The following SNX31 variants were observed in gnomAD, a reference collection of about 807,000 sequenced individuals.
The protein encoded by SNX31 is sorting nexin 31, also known as sorting nexin-31.
SNX31 carries 58 observed loss-of-function variants against 65.4 expected under a neutral mutation model. The observed-to-expected ratio is 0.89, with a 90% CI of 0.72 to 1.10. The LOEUF is 1.10. Among genes scored for constraint, SNX31 ranks in the 50% least tolerant of loss-of-function variants. SNX31 has a pLI of 0.00. For missense variants in SNX31, 523 were observed against 529.7 expected (o/e 0.99, Z 0.12); for synonymous variants, 181 against 190.1 (o/e 0.95, Z 0.39).
chr8:100,657,632 T>C, intron 1 of SNX31: 1 of 455,518 alleles, frequency 2.2e-6, no homozygotes, highest in Non-Finnish European at 4.4e-6. Context: ...GAGGTCCAGC[T>C]GGAGGGCTTG....
intron 1 of SNX31, among the ~76,000 whole-genome samples, chr8:100,661,447 C>A (rs1485561312): frequency 6.6e-6 from 1 of 152,144 alleles, no homozygotes; most frequent in Non-Finnish European, 1.5e-5. Context: ...CCAGGAATAA[C>A]AAGACTGGAA....
At chr8:100,581,671 A>T (rs1228723314) in intron 12 of SNX31, among the ~76,000 whole-genome samples, 1 of 152,104 alleles carries the variant, frequency 6.6e-6, no homozygotes, top group Non-Finnish European at 1.5e-5. Flanking sequence ...TGGACTCGGA[A>T]CCTGCCCTGC....
At chr8:100,641,565 A>ATAT (rs1310228144) in intron 2 of SNX31, among the ~76,000 whole-genome samples, 6 of 32,106 alleles carry the variant, frequency 1.9e-4, no homozygotes, top group Non-Finnish European at 3.2e-4. Context: ...AAAAAAAAAA[A>ATAT]ATATATATAT....
chr8:100,620,992 A>T (rs1037590144), intron 4 of SNX31, among the ~76,000 whole-genome samples: 3 of 152,188 alleles, frequency 2.0e-5, no homozygotes, highest in Non-Finnish European at 4.4e-5. Context: ...ATTTAAAAAA[A>T]AATTAGCCAG....
intron 1 of SNX31, among the ~76,000 whole-genome samples, chr8:100,655,807 T>C (rs1412993458): frequency 1.3e-5 from 2 of 152,122 alleles, no homozygotes; most frequent in Non-Finnish European, 2.9e-5. Flanking sequence ...GAGTTTGCCC[T>C]GTAGATGAAG....
chr8:100,661,694 GT>G (rs72427981), intron 1 of SNX31, among the ~76,000 whole-genome samples: 66,584 of 149,948 alleles, frequency 0.44, 14,964 homozygotes, highest in African/African-American at 0.54. Flanking sequence ...CACACGGCCA[GT>G]TTTTTTTTTT....
chr8:100,596,897 A>G (rs1815148357), intron 9 of SNX31, 55 bp from the exon 10 acceptor site: 9 of 1,464,732 alleles, frequency 6.1e-6, no homozygotes, highest in Non-Finnish European at 8.6e-6. Context: ...GCAAAAGACC[A>G]CTTGAAACAG....
intron 10 of SNX31, among the ~76,000 whole-genome samples, chr8:100,595,668 C>G (rs974689987): frequency 7.9e-5 from 12 of 152,058 alleles, no homozygotes; most frequent in African/African-American, 2.7e-4. Flanking sequence ...AGTGGAAGTT[C>G]CCTTGACCAA....
chr8:100,645,606 A>ATT (rs10598981), intron 2 of SNX31, among the ~76,000 whole-genome samples: 10,156 of 106,512 alleles, frequency 0.095, 690 homozygotes, highest in African/African-American at 0.17. Flanking sequence ...CAGACTCTTC[A>ATT]TTTTTTTTTT....
At chr8:100,582,371 A>G (rs1290611184) in intron 12 of SNX31, 1 of 152,132 alleles carries the variant, frequency 6.6e-6, no homozygotes, top group African/African-American at 2.4e-5. Context: ...TTTTTAATAC[A>G]TACAATAATC....
intron 9 of SNX31, among the ~76,000 whole-genome samples, chr8:100,599,602 G>A (rs1390790772): frequency 6.6e-6 from 1 of 151,996 alleles, no homozygotes; most frequent in African/African-American, 2.4e-5. Flanking sequence ...ATTATTTTCT[G>A]TTACGTATAA....
At chr8:100,600,245 C>T in intron 9 of SNX31, 104 bp downstream of exon 9, 1 of 915,966 alleles carries the variant, frequency 1.1e-6, no homozygotes, top group South Asian at 1.5e-5. Flanking sequence ...AAGAGCCCCA[C>T]TTTTAGTGCT....
At chr8:100,611,892 G>C (rs1031975451) in intron 7 of SNX31, 108 bp downstream of exon 7, 16 of 822,304 alleles carry the variant, frequency 1.9e-5, no homozygotes, top group Non-Finnish European at 3.2e-5. Flanking sequence ...TAAGTTCTTG[G>C]TCTCCAGCTG....
chr8:100,577,857 AC>A (rs1045730389), intron 12 of SNX31, among the ~76,000 whole-genome samples: 2 of 151,934 alleles, frequency 1.3e-5, no homozygotes, highest in African/African-American at 4.8e-5. Flanking sequence ...AGAAATAAAC[AC>A]CCTACTCTCA....
chr8:100,584,128 C>T lies in SNX31; in HGVS notation c.1153G>A (p.Ala385Thr). The change falls in exon 12 of 14, where the codon GCT becomes ACT. Residue 385 changes from alanine (A) to threonine (T), a missense_variant. By Grantham distance (58) the Ala-to-Thr change is moderately conservative (BLOSUM62 0). Transcript: ENST00000311812. ...GCACTCACCATTTCTGTATTCTCAG[C>T]AGCTAGCTTTACCATCTTTTCTGAG... Reference protein sequence around the residue: ...MISEKMVKLAAENTEMQIEVP... With the variant: ...MISEKMVKLATENTEMQIEVP... 6.2e-7 allele frequency: 1 copy of T among 1,604,368 alleles called. No individual in the cohort carries two copies. Among genetic ancestry groups the T allele is most frequent in the Admixed American group, 1.7e-5 (1 of 58,232 alleles).
chr8:100,661,303 G>C (rs1587117948), intron 1 of SNX31, among the ~76,000 whole-genome samples: 1 of 152,052 alleles, frequency 6.6e-6, no homozygotes, highest in Non-Finnish European at 1.5e-5. Context: ...ACTGCGCCCG[G>C]CAAAAGCAGG....
chr8:100,628,428 A>G (rs1818189307), intron 4 of SNX31, among the ~76,000 whole-genome samples: 1 of 152,196 alleles, frequency 6.6e-6, no homozygotes, highest in African/African-American at 2.4e-5. Flanking sequence ...TGATGAGATC[A>G]TATCCTTTGT....
At chr8:100,636,044 T>C in intron 2 of SNX31, 33 bp from the exon 3 acceptor site, 1 of 1,529,040 alleles carries the variant, frequency 6.5e-7, no homozygotes, top group Non-Finnish European at 9.1e-7. Flanking sequence ...TTAAGGCAGG[T>C]GAGCCGCCAG....
chr8:100,632,271 G>A (rs1401680295), intron 3 of SNX31, among the ~76,000 whole-genome samples: 1 of 152,114 alleles, frequency 6.6e-6, no homozygotes, highest in African/African-American at 2.4e-5. Flanking sequence ...AAAAGGCCAG[G>A]TATTAAAGGA....
Sources: allele counts gnomAD v4.1 joint callset (sites outside exome capture counted in the v4.1 genomes callset), GRCh38; gene constraint gnomAD v4.1.1; transcripts MANE v1.5; gene names NCBI Gene and HGNC (gene_info 2026-07-23, HGNC 2026-07-21).